FRMD3: variants seen among roughly 807,000 people sequenced by gnomAD.
FRMD3 encodes FERM domain containing 3.
Under a neutral mutation model 70.2 loss-of-function variants are expected in FRMD3, and 33 were observed. The observed-to-expected ratio is 0.47, with a 90% CI of 0.36 to 0.63. The LOEUF (loss-of-function observed/expected upper bound fraction) is 0.63, where lower values mean the gene tolerates loss of function less well. Among genes scored for constraint, FRMD3 ranks in the 20% least tolerant of loss-of-function variants. The probability of loss-of-function intolerance (pLI) is 0.00; values close to 1 mark genes in which losing one functional copy is unlikely to be tolerated. For synonymous variants in FRMD3, 279 were observed against 255.9 expected, an observed-to-expected ratio of 1.09 and a Z score of -0.86; for missense variants, 632 against 711.4, an observed-to-expected ratio of 0.89 and a Z score of 1.27.
chr9:83,316,610 T>C (rs904100914), intron 6 of FRMD3, among the ~76,000 whole-genome samples: 2 of 152,236 alleles, frequency 1.3e-5, no homozygotes, highest in Non-Finnish European at 2.9e-5. Context: ...CTGTGATATA[T>C]GTATATAGAG....
the FRMD3 span, among the ~76,000 whole-genome samples, chr9:83,583,892 G>A: frequency 6.6e-6 from 1 of 152,188 alleles, no homozygotes; most frequent in Admixed American, 6.5e-5. Flanking sequence ...ATGAGCCACT[G>A]CAGCCAGTGG....
At chr9:83,284,061 A>ATTTTTTTTTT (rs71365307) in intron 13 of FRMD3, among the ~76,000 whole-genome samples, 6 of 101,698 alleles carry the variant, frequency 5.9e-5, no homozygotes, top group African/African-American at 1.1e-4. Flanking sequence ...CTAGGATGTT[A>ATTTTTTTTTT]TTTTTTTTTT....
the FRMD3 span, among the ~76,000 whole-genome samples, chr9:83,554,049 A>C: frequency 6.6e-6 from 1 of 152,160 alleles, no homozygotes; most frequent in Non-Finnish European, 1.5e-5. Flanking sequence ...GAATGTTTTC[A>C]CTGGGCCAAG....
Position 83,245,510 on chromosome 9 carries a change from G to A in FRMD3, c.*2408C>T, listed in dbSNP as rs894987338. On this transcript the variant is annotated 3_prime_UTR_variant, in exon 14 of 14. Coordinates refer to ENST00000304195, the MANE Select transcript of FRMD3 (RefSeq NM_174938.6). ...ATTCAACAATGAAGTTTCCACCTAA[G>A]AGAAAAGAGATGTTAGCTGGAAATG... is the stretch of plus-strand genomic sequence containing the variant. 2.0e-6 allele frequency: 2 copies of A among 979,400 alleles called. No individual in the cohort carries two copies. The highest frequency in any genetic ancestry group is 1.0e-3 in the Middle Eastern group (2 of 1,934). 60.7% of individuals were successfully genotyped at this position (979,400 alleles called of 1,614,324 possible).
At chr9:83,492,161 T>C (rs1828841223) in intron 1 of FRMD3, among the ~76,000 whole-genome samples, 1 of 152,206 alleles carries the variant, frequency 6.6e-6, no homozygotes, top group Admixed American at 6.5e-5. Flanking sequence ...ACTTCAGCCC[T>C]ACATTCATTA....
At position 83,341,694 on chromosome 9, in the gene FRMD3, G is replaced by A. The variant is rs572774032; in HGVS notation, c.472+1496C>T. Among the ~76,000 whole-genome samples, 32 of 152,182 alleles carry A rather than the reference G, an allele frequency of 2.1e-4. No homozygotes were observed. In the South Asian group the frequency reaches 6.7e-3, roughly 32 times the overall value. On this transcript the variant is annotated intron_variant, in intron 5 of 13. Transcript: ENST00000304195. ...GTTTCCCATTACAGTATCAACCATA[G>A]TGCTTTAAATGGGAAAATACCCAAG... is the stretch of plus-strand genomic sequence containing the variant.
chr9:83,413,443 G>A (rs932567604), intron 1 of FRMD3, among the ~76,000 whole-genome samples: 1 of 152,184 alleles, frequency 6.6e-6, no homozygotes, highest in East Asian at 1.9e-4. Context: ...ATACAAGGAT[G>A]CACCCGGGCC....
chr9:83,442,587 C>T (rs1205882201), intron 1 of FRMD3, among the ~76,000 whole-genome samples: 1 of 151,950 alleles, frequency 6.6e-6, no homozygotes, highest in African/African-American at 2.4e-5. Context: ...GGGAGGAAAG[C>T]CAACGTATAA....
intron 1 of FRMD3, among the ~76,000 whole-genome samples, chr9:83,523,352 T>C (rs896631100): frequency 2.6e-5 from 4 of 152,152 alleles, no homozygotes; most frequent in African/African-American, 7.2e-5. Context: ...GATGAAAATA[T>C]TTTCTTAAGT....
chr9:83,389,513 G>C, intron 2 of FRMD3, 91 bp downstream of exon 2: 1 of 808,738 alleles, frequency 1.2e-6, no homozygotes. Context: ...TGAGAACAAG[G>C]GCATCACTAG....
chr9:83,425,366 A>C (rs2131366622), intron 1 of FRMD3, among the ~76,000 whole-genome samples: 1 of 152,300 alleles, frequency 6.6e-6, no homozygotes, highest in Non-Finnish European at 1.5e-5. Context: ...ACAACCAAGC[A>C]ACCTGGCTGA....
At chr9:83,501,160 C>T (rs1313927682) in intron 1 of FRMD3, among the ~76,000 whole-genome samples, 43 of 152,070 alleles carry the variant, frequency 2.8e-4, no homozygotes, top group Non-Finnish European at 5.4e-4. Flanking sequence ...TTAAAAACTA[C>T]ACTTCCTTCT....
chr9:83,303,302 C>T (rs1233976816), intron 10 of FRMD3, among the ~76,000 whole-genome samples: 1 of 152,188 alleles, frequency 6.6e-6, no homozygotes, highest in Admixed American at 6.5e-5. Context: ...CGCATTTTCA[C>T]ATAAGGAAAA....
chr9:83,568,447 A>G, the FRMD3 span, among the ~76,000 whole-genome samples: 1 of 152,230 alleles, frequency 6.6e-6, no homozygotes, highest in Non-Finnish European at 1.5e-5. Context: ...CATATCAAGT[A>G]CCACTTTGCC....
chr9:83,418,869 T>G (rs1369958480), intron 1 of FRMD3, among the ~76,000 whole-genome samples: 1 of 152,220 alleles, frequency 6.6e-6, no homozygotes, highest in Admixed American at 6.5e-5. Context: ...GAAGCCTTTG[T>G]GAACCAACCT....
chr9:83,429,279 T>G (rs952454541), intron 1 of FRMD3, among the ~76,000 whole-genome samples: 1 of 152,188 alleles, frequency 6.6e-6, no homozygotes, highest in African/African-American at 2.4e-5. Context: ...TCAGGTACTC[T>G]GTACAATGAG....
At chr9:83,463,309 A>G (rs1376547105) in intron 1 of FRMD3, among the ~76,000 whole-genome samples, 1 of 152,218 alleles carries the variant, frequency 6.6e-6, no homozygotes, top group Non-Finnish European at 1.5e-5. Context: ...TGCTACTAAT[A>G]AAGACATATG....
At position 83,538,071 on chromosome 9, in the gene FRMD3, G is replaced by C; in HGVS notation, c.147+14C>G. The stretch of plus-strand genomic sequence containing the variant: ...CGGCGTGTGCCCCGCGCCCTCGCCC[G>C]GTTCCACGCGCACCTGGATGTGGCA... On this transcript the variant is annotated intron_variant, in intron 1 of 13. Transcript: ENST00000304195. This position sits in a 1 kb window ranked among gnomAD's most constrained non-coding sequence, Gnocchi z 4.7. 1 of 1,610,484 alleles carries C rather than the reference G, an allele frequency of 6.2e-7. No homozygotes were observed. The highest frequency in any genetic ancestry group is 8.5e-7 in the Non-Finnish European group (1 of 1,177,572).
chr9:83,560,269 C>T, the FRMD3 span, among the ~76,000 whole-genome samples: 1 of 152,078 alleles, frequency 6.6e-6, no homozygotes, highest in Non-Finnish European at 1.5e-5. Flanking sequence ...CTTTGGCCAC[C>T]GGAATTTAAG....
Sources: allele counts gnomAD v4.1 joint callset (sites outside exome capture counted in the v4.1 genomes callset), GRCh38; gene constraint gnomAD v4.1.1; non-coding constraint Gnocchi (gnomAD v3.1); transcripts MANE v1.5; gene names NCBI Gene and HGNC (gene_info 2026-07-23, HGNC 2026-07-21).